GRB2: variants seen among roughly 807,000 people sequenced by gnomAD.
GRB2 encodes growth factor receptor bound protein 2, also known as growth factor receptor-bound protein 2.
A neutral mutation model predicts 27.4 loss-of-function variants in GRB2; 2 were observed. The observed-to-expected ratio is 0.07, with a 90% confidence interval of 0.03 to 0.23. The LOEUF is 0.23. GRB2 is among the 10% of genes least tolerant of loss of function. The pLI is 1.00. For missense variants in GRB2, 102 were observed against 282.4 expected, an observed-to-expected ratio of 0.36 and a Z score of 4.58; for synonymous variants, 94 against 99.6, an observed-to-expected ratio of 0.94 and a Z score of 0.33.
At chr17:75,335,248 A>C (rs572395209) in intron 2 of GRB2, among the ~76,000 whole-genome samples, 81 of 152,332 alleles carry the variant, frequency 5.3e-4, no homozygotes, top group African/African-American at 1.9e-3. Flanking sequence ...CAGAAGGCAT[A>C]AAGTTGGTAA....
chr17:75,377,125 A>AC (rs1350761416), intron 2 of GRB2, among the ~76,000 whole-genome samples: 3 of 149,090 alleles, frequency 2.0e-5, no homozygotes, highest in Non-Finnish European at 4.5e-5. Context: ...CAACATAGTG[A>AC]CCCCCCGCTA....
At chr17:75,350,586 G>A (rs1181600235) in intron 2 of GRB2, among the ~76,000 whole-genome samples, 14 of 152,132 alleles carry the variant, frequency 9.2e-5, no homozygotes, top group African/African-American at 3.4e-4. Context: ...CCGCCTCCTG[G>A]GTTCACACCA....
intron 2 of GRB2, among the ~76,000 whole-genome samples, chr17:75,355,672 C>T (rs1463798494): frequency 6.6e-6 from 1 of 151,524 alleles, no homozygotes; most frequent in African/African-American, 2.4e-5. Context: ...TTGTGTTGGG[C>T]CGCCTTCAAA....
chr17:75,401,500 G>A (rs1014653508), intron 1 of GRB2, among the ~76,000 whole-genome samples: 4 of 149,676 alleles, frequency 2.7e-5, no homozygotes, highest in African/African-American at 4.9e-5. Flanking sequence ...CTCTGCTAGC[G>A]AGATCACAGA....
intron 2 of GRB2, among the ~76,000 whole-genome samples, chr17:75,337,923 TA>T (rs1205101590): frequency 6.9e-6 from 1 of 145,400 alleles, no homozygotes; most frequent in Non-Finnish European, 1.5e-5. Flanking sequence ...TTATTATTAT[TA>T]TTATTATTAT....
chr17:75,390,657 G>A (rs1210058800), intron 2 of GRB2, among the ~76,000 whole-genome samples: 2 of 152,068 alleles, frequency 1.3e-5, no homozygotes, highest in African/African-American at 2.4e-5. Flanking sequence ...CTTTTTCTCT[G>A]GACAGTAACA....
intron 4 of GRB2, among the ~76,000 whole-genome samples, chr17:75,324,348 C>T (rs547220425): frequency 2.1e-4 from 31 of 149,556 alleles, no homozygotes; most frequent in South Asian, 2.1e-4. Flanking sequence ...CACGCCACCA[C>T]GCCGAGGCCA....
intron 2 of GRB2, among the ~76,000 whole-genome samples, chr17:75,350,719 C>G (rs2078686184): frequency 6.6e-6 from 1 of 152,124 alleles, no homozygotes; most frequent in Non-Finnish European, 1.5e-5. Context: ...GTCTCGATCT[C>G]CTGACCTCGT....
chr17:75,369,465 C>T (rs927957783), intron 2 of GRB2, among the ~76,000 whole-genome samples: 1 of 151,976 alleles, frequency 6.6e-6, no homozygotes, highest in Non-Finnish European at 1.5e-5. Flanking sequence ...GAAAAACTCC[C>T]ATTTATTCCT....
At position 75,346,676 on chromosome 17, in the gene GRB2, G is replaced by A. The variant is rs140588398; in HGVS notation, c.79-13879C>T. ...TGGCTCACTGCAACCTCCACCGCCC[G>A]GGTTCAAATGATTCCCCTGCCTCAG... On this transcript the variant is annotated intron_variant, in intron 2 of 5. Transcript: ENST00000316804. Among the ~76,000 whole-genome samples the A allele has an allele frequency of 3.9e-3, 512 of 132,558 alleles. 2 individuals carry two copies. Among genetic ancestry groups the A allele is most frequent in the African/African-American group, 0.013 (472 of 36,202 alleles). 87.0% of individuals were successfully genotyped at this position (132,558 alleles called of 152,430 possible). A position where few individuals can be genotyped will look rare whatever the true frequency, so the allele number is the denominator to read the frequency against.
In GRB2 at chr17:75,376,106, G is replaced by A. The variant is rs566912670; in HGVS notation, c.78+17445C>T. On this transcript the variant is annotated intron_variant, in intron 2 of 5. Coordinates refer to ENST00000316804, the MANE Select transcript of GRB2 (RefSeq NM_002086.5). The stretch of plus-strand genomic sequence containing the variant: ...GCCTGTAATCCCAGCACTTTGGGAG[G>A]CCAAGGCAGGCGGATTGGCTGAGCT... 4.9e-4 allele frequency among the ~76,000 whole-genome samples: 74 copies of A among 151,710 alleles called. 1 individual carries two copies. Among genetic ancestry groups the A allele is most frequent in the African/African-American group, 1.7e-3 (71 of 41,432 alleles).
At chr17:75,382,811 C>T (rs1345256268) in intron 2 of GRB2, among the ~76,000 whole-genome samples, 2 of 152,196 alleles carry the variant, frequency 1.3e-5, no homozygotes, top group Non-Finnish European at 2.9e-5. Context: ...CGGGTTCACG[C>T]CATTCTCCTG....
intron 2 of GRB2, among the ~76,000 whole-genome samples, chr17:75,362,191 G>A (rs1390279925): frequency 6.6e-6 from 1 of 152,168 alleles, no homozygotes; most frequent in African/African-American, 2.4e-5. Flanking sequence ...AGGTCCTACA[G>A]GTCCTCAAAG....
Position 75,378,058 on chromosome 17 carries a change from G to C in GRB2, c.78+15493C>G, listed in dbSNP as rs796140269. 2.2e-4 allele frequency among the ~76,000 whole-genome samples: 34 copies of C among 152,104 alleles called. 1 individual carries two copies. Among genetic ancestry groups the C allele is most frequent in the African/African-American group, 8.0e-4 (33 of 41,488 alleles). On this transcript the variant is annotated intron_variant, in intron 2 of 5. Transcript: ENST00000316804. ...AATAAACCTTTATGAAATCATTTCT[G>C]CCTCAATAGTCTTAGTTTCAGTTGA...
intron 2 of GRB2, among the ~76,000 whole-genome samples, chr17:75,356,158 T>C (rs1598235260): frequency 1.3e-5 from 2 of 152,230 alleles, no homozygotes; most frequent in East Asian, 1.9e-4. Flanking sequence ...TTTTAATGCA[T>C]TTCAAAGTTA....
chr17:75,396,778 C>T (rs892260999), intron 1 of GRB2, among the ~76,000 whole-genome samples: 2 of 151,860 alleles, frequency 1.3e-5, no homozygotes, highest in South Asian at 2.1e-4. Flanking sequence ...TCTCTAATGC[C>T]GAGACTATGT....
chr17:75,399,975 C>A lies in GRB2; in HGVS notation c.-138+5514G>T, dbSNP rs372600354. 1.7e-4 allele frequency among the ~76,000 whole-genome samples: 26 copies of A among 151,806 alleles called. No homozygotes were observed. The East Asian group carries it at 3.3e-3, about 19-fold the overall frequency. On this transcript the variant is annotated intron_variant, in intron 1 of 5. Transcript: ENST00000316804. ...ATGAGCCACCGTGCCCGGCCCTGAC[C>A]GACAATTTTGAAATATTAATACATA...
intron 2 of GRB2, among the ~76,000 whole-genome samples, chr17:75,391,725 A>G (rs1172976456): frequency 1.3e-5 from 2 of 151,218 alleles, no homozygotes; most frequent in East Asian, 1.9e-4. Context: ...GGAGAATGGC[A>G]TGAACCTGGG....
At chr17:75,390,820 A>C (rs1302375733) in intron 2 of GRB2, among the ~76,000 whole-genome samples, 2 of 152,182 alleles carry the variant, frequency 1.3e-5, no homozygotes, top group East Asian at 3.8e-4. Context: ...CTATTTCATT[A>C]TCTTGAAATG....
Sources: gnomAD v4.1 joint callset for allele counts (sites outside exome capture counted in the v4.1 genomes callset) on GRCh38, gnomAD v4.1.1 for gene constraint, MANE v1.5 for transcripts, NCBI Gene and HGNC (gene_info 2026-07-23, HGNC 2026-07-21) for gene names.